Variants in TGFA observed in about 807,000 individuals in gnomAD.
The protein encoded by TGFA is transforming growth factor alpha, also known as protransforming growth factor alpha.
Under a neutral mutation model 21.7 loss-of-function variants are expected in TGFA, and 12 were observed. The ratio of observed to expected loss-of-function variants is 0.55; its 90% confidence interval spans 0.35 to 0.90. The LOEUF (loss-of-function observed/expected upper bound fraction) is 0.90. Among genes scored for constraint, TGFA ranks in the 40% least tolerant of loss-of-function variants. The probability of loss-of-function intolerance (pLI) is 0.01; values close to 1 mark genes in which losing one functional copy is unlikely to be tolerated. For missense variants in TGFA, 178 were observed against 210.8 expected (o/e 0.84, Z 0.96); for synonymous variants, 79 against 88.1 (o/e 0.90, Z 0.58).
Position 70,450,799 on chromosome 2 carries a change from A to C in TGFA, c.*60T>G. 6.3e-7 allele frequency: 1 copy of C among 1,590,960 alleles called. No homozygotes were observed. The highest frequency in any genetic ancestry group is 8.6e-7 in the Non-Finnish European group (1 of 1,165,312). ...GGCATCTCTGGCAGTGCTGTCCTGA[A>C]GAAGCCTTTCTTTATTGATCTGCCA... On this transcript the variant is annotated 3_prime_UTR_variant, in exon 6 of 6. Transcript: ENST00000295400.
chr2:70,536,466 A>G (rs929830911), intron 1 of TGFA, among the ~76,000 whole-genome samples: 19 of 152,314 alleles, frequency 1.2e-4, no homozygotes, highest in Admixed American at 2.6e-4. Context: ...ATATACCTTA[A>G]CACATTTAAA....
At chr2:70,475,286 A>G (rs1199124486) in intron 2 of TGFA, among the ~76,000 whole-genome samples, 1 of 152,172 alleles carries the variant, frequency 6.6e-6, no homozygotes, top group Non-Finnish European at 1.5e-5. Flanking sequence ...ACCTACTGCA[A>G]GTGCTATGCC....
At chr2:70,454,013 A>T (rs60593799) in intron 4 of TGFA, among the ~76,000 whole-genome samples, 3,374 of 151,728 alleles carry the variant, frequency 0.022, 119 homozygotes, top group African/African-American at 0.069. Flanking sequence ...ATGAAAAAAA[A>T]AAAGCCCCAA....
intron 2 of TGFA, among the ~76,000 whole-genome samples, chr2:70,492,981 T>A (rs1225779341): frequency 2.0e-5 from 3 of 152,202 alleles, no homozygotes; most frequent in Non-Finnish European, 4.4e-5. Context: ...TTAAAAATTT[T>A]AAAATGTAGC....
At chr2:70,480,762 G>A (rs151040974) in intron 2 of TGFA, among the ~76,000 whole-genome samples, 134 of 152,180 alleles carry the variant, frequency 8.8e-4, no homozygotes, top group African/African-American at 2.8e-3. Context: ...ACTGATTTCC[G>A]TTGGTGGATA....
chr2:70,505,949 G>A (rs1231439326), intron 2 of TGFA, among the ~76,000 whole-genome samples: 1 of 152,218 alleles, frequency 6.6e-6, no homozygotes, highest in Non-Finnish European at 1.5e-5. Context: ...AACAGTGGGA[G>A]AGCCTGCTTG....
At position 70,447,581 on chromosome 2, in the gene TGFA, G is replaced by A. The variant is rs782785455; in HGVS notation, c.*3278C>T. The A allele has an allele frequency of 2.6e-5, 4 of 152,582 alleles. No homozygotes were observed. The highest frequency in any genetic ancestry group is 6.5e-5 in the Admixed American group (1 of 15,276). 9.5% of individuals were successfully genotyped at this position (152,582 alleles called of 1,614,324 possible). A position where few individuals can be genotyped will look rare whatever the true frequency, so the allele number is the denominator to read the frequency against. ...TCAGGTTTATTATAATAAAGATAAT[G>A]AAAAGTTGACCATTTTAGTAAATTA... is the stretch of plus-strand genomic sequence containing the variant. On this transcript the variant is annotated 3_prime_UTR_variant, in exon 6 of 6. Coordinates refer to ENST00000295400, the MANE Select transcript of TGFA (RefSeq NM_003236.4).
intron 1 of TGFA, among the ~76,000 whole-genome samples, chr2:70,548,217 G>A (rs1360078995): frequency 3.3e-5 from 5 of 152,104 alleles, no homozygotes; most frequent in Non-Finnish European, 7.4e-5. Context: ...AGAGTATCCT[G>A]CACTGGGTCC....
intron 1 of TGFA, among the ~76,000 whole-genome samples, chr2:70,544,679 G>A (rs561254605): frequency 1.3e-5 from 2 of 152,164 alleles, no homozygotes; most frequent in Non-Finnish European, 1.5e-5. Context: ...TTCACAATAA[G>A]GGCAAAAATA....
chr2:70,474,011 C>T (rs1395523276), intron 2 of TGFA, among the ~76,000 whole-genome samples: 1 of 152,136 alleles, frequency 6.6e-6, no homozygotes, highest in Non-Finnish European at 1.5e-5. Context: ...ACATATTTTT[C>T]CTATAACATA....
chr2:70,536,559 C>T (rs565911584), intron 1 of TGFA, among the ~76,000 whole-genome samples: 3 of 152,274 alleles, frequency 2.0e-5, no homozygotes, highest in Admixed American at 6.5e-5. Context: ...GCTGAAAAAT[C>T]CCCCAGTACT....
At chr2:70,451,905 G>C in intron 5 of TGFA, 1 of 608,212 alleles carries the variant, frequency 1.6e-6, no homozygotes, top group Non-Finnish European at 2.9e-6. Context: ...TAAGACCACT[G>C]TAAGGCTGAA....
intron 1 of TGFA, among the ~76,000 whole-genome samples, chr2:70,536,231 C>G (rs1672963420): frequency 6.6e-6 from 1 of 152,142 alleles, no homozygotes; most frequent in South Asian, 2.1e-4. Flanking sequence ...GTGCACCTAA[C>G]AACAGTGTCA....
intron 2 of TGFA, among the ~76,000 whole-genome samples, chr2:70,490,382 A>G (rs1369953345): frequency 1.3e-5 from 2 of 152,204 alleles, no homozygotes; most frequent in Non-Finnish European, 2.9e-5. Flanking sequence ...CTCATATAGT[A>G]ATTTTCAAAT....
At chr2:70,514,423 AT>A (rs11354380) in intron 2 of TGFA, among the ~76,000 whole-genome samples, 34,768 of 143,826 alleles carry the variant, frequency 0.24, 4,409 homozygotes, top group African/African-American at 0.36. Flanking sequence ...AAAAATACCG[AT>A]TTTTTTTTTT....
chr2:70,502,668 G>A (rs1182292386), intron 2 of TGFA, among the ~76,000 whole-genome samples: 1 of 152,192 alleles, frequency 6.6e-6, no homozygotes, highest in Admixed American at 6.5e-5. Context: ...TGAGTTATGC[G>A]ATTGATCCTG....
At chr2:70,485,487 C>G (rs944216846) in intron 2 of TGFA, among the ~76,000 whole-genome samples, 1 of 152,160 alleles carries the variant, frequency 6.6e-6, no homozygotes, top group Non-Finnish European at 1.5e-5. Flanking sequence ...CCACCTGCCT[C>G]GGCCTCCCAA....
At chr2:70,522,988 G>T (rs548719096) in intron 1 of TGFA, among the ~76,000 whole-genome samples, 5 of 152,302 alleles carry the variant, frequency 3.3e-5, no homozygotes, top group African/African-American at 1.2e-4. Flanking sequence ...CCATTGTTCA[G>T]TTGGGTGGTA....
chr2:70,463,346 C>T (rs1342621058), intron 3 of TGFA, among the ~76,000 whole-genome samples: 1 of 152,048 alleles, frequency 6.6e-6, no homozygotes. Context: ...TGGCCAATCA[C>T]CCTGATTAGC....
Sources: gnomAD v4.1 joint callset for allele counts (sites outside exome capture counted in the v4.1 genomes callset) on GRCh38, gnomAD v4.1.1 for gene constraint, MANE v1.5 for transcripts, NCBI Gene and HGNC (gene_info 2026-07-23, HGNC 2026-07-21) for gene names.